The following TMEM178B variants were observed in gnomAD, a reference collection of about 807,000 sequenced individuals.
TMEM178B encodes the protein transmembrane protein 178B.
A neutral mutation model predicts 31.0 loss-of-function variants in TMEM178B; 5 were observed. That is an observed-to-expected ratio of 0.16 (90% CI 0.08 to 0.34). The LOEUF (loss-of-function observed/expected upper bound fraction) is 0.34, where lower values mean the gene tolerates loss of function less well. Among genes scored for constraint, TMEM178B ranks in the 10% least tolerant of loss-of-function variants. The pLI is 1.00. For missense variants in TMEM178B, 275 were observed against 400.3 expected, an observed-to-expected ratio of 0.69 and a Z score of 2.67; for synonymous variants, 164 against 164.0, an observed-to-expected ratio of 1.00 and a Z score of 0.00.
intron 1 of TMEM178B, among the ~76,000 whole-genome samples, chr7:141,198,025 C>T (rs1025084883): frequency 6.7e-6 from 1 of 148,788 alleles, no homozygotes; most frequent in African/African-American, 2.5e-5. Context: ...CAACTCAGTT[C>T]CCCCCAGTTC....
intron 1 of TMEM178B, among the ~76,000 whole-genome samples, chr7:141,105,368 G>A (rs7808160): frequency 0.024 from 3,588 of 152,084 alleles, 155 homozygotes; most frequent in African/African-American, 0.08. Context: ...ATTAGCTGGC[G>A]TGGTGTTGTG....
At chr7:141,329,148 C>T (rs1799250272) in intron 2 of TMEM178B, among the ~76,000 whole-genome samples, 1 of 152,166 alleles carries the variant, frequency 6.6e-6, no homozygotes. Flanking sequence ...AGGGGCACAT[C>T]TGTTACTTCC....
At chr7:141,245,529 T>C (rs1479961147) in intron 2 of TMEM178B, among the ~76,000 whole-genome samples, 1 of 152,260 alleles carries the variant, frequency 6.6e-6, no homozygotes, top group East Asian at 1.9e-4. Context: ...GATAGTCTGT[T>C]GAGTTTACAG....
At chr7:141,148,838 C>T (rs929794076) in intron 1 of TMEM178B, among the ~76,000 whole-genome samples, 3 of 152,096 alleles carry the variant, frequency 2.0e-5, no homozygotes, top group Non-Finnish European at 2.9e-5. Flanking sequence ...TTTCTGAAGA[C>T]GTGATGTCTA....
intron 2 of TMEM178B, among the ~76,000 whole-genome samples, chr7:141,261,744 A>C (rs1397739952): frequency 1.3e-5 from 2 of 152,144 alleles, no homozygotes; most frequent in African/African-American, 4.8e-5. Context: ...GTGGAGTCCA[A>C]AAGTGAAAAG....
chr7:141,237,668 T>C (rs962894884), intron 2 of TMEM178B, among the ~76,000 whole-genome samples: 9 of 152,152 alleles, frequency 5.9e-5, no homozygotes, highest in Non-Finnish European at 8.8e-5. Flanking sequence ...TATAAACATA[T>C]GTGATTCATT....
intron 2 of TMEM178B, among the ~76,000 whole-genome samples, chr7:141,242,564 C>T (rs149483092): frequency 0.012 from 1,555 of 124,724 alleles, 34 homozygotes; most frequent in African/African-American, 0.044. Flanking sequence ...TTTTTTGAGA[C>T]GGAATCTCAC....
At chr7:141,188,736 G>GTGAT (rs771778219) in intron 1 of TMEM178B, among the ~76,000 whole-genome samples, 7 of 152,178 alleles carry the variant, frequency 4.6e-5, no homozygotes, top group Middle Eastern at 3.2e-3. Flanking sequence ...CTCTGTGCTG[G>GTGAT]TGATTGTGAC....
intron 2 of TMEM178B, among the ~76,000 whole-genome samples, chr7:141,406,197 G>T (rs1372767326): frequency 1.3e-5 from 2 of 152,168 alleles, no homozygotes; most frequent in Middle Eastern, 3.2e-3. Flanking sequence ...ACTTGTAGGG[G>T]TTATTTCTGT....
chr7:141,388,695 G>A (rs908215382), intron 2 of TMEM178B, among the ~76,000 whole-genome samples: 6 of 152,136 alleles, frequency 3.9e-5, no homozygotes, highest in Admixed American at 6.6e-5. Context: ...TGCAACATAA[G>A]TGGTGAGCAC....
At chr7:141,309,371 TACTC>T (rs1798869731) in intron 2 of TMEM178B, among the ~76,000 whole-genome samples, 1 of 152,178 alleles carries the variant, frequency 6.6e-6, no homozygotes, top group South Asian at 2.1e-4. Flanking sequence ...GAAAACATAA[TACTC>T]TCTCTCATTA....
chr7:141,444,693 A>G (rs539938482), intron 3 of TMEM178B, among the ~76,000 whole-genome samples: 37 of 152,266 alleles, frequency 2.4e-4, no homozygotes, highest in Non-Finnish European at 5.0e-4. Context: ...AGTCATGTCA[A>G]GTTGTCCTAG....
chr7:141,470,632 T>G lies in TMEM178B; in HGVS notation c.731T>G (p.Ile244Ser), dbSNP rs1802221348. The G allele has an allele frequency of 6.5e-7, 1 of 1,535,396 alleles. No individual in the cohort carries two copies. The highest frequency in any genetic ancestry group is 1.4e-5 in the African/African-American group (1 of 72,900). The change falls in exon 4 of 4, where the codon ATC becomes AGC. Residue 244 changes from isoleucine to serine, a missense_variant. Physicochemically the swap from Ile to Ser is moderately radical, Grantham distance 142. Coordinates refer to ENST00000565468, the MANE Select transcript of TMEM178B (RefSeq NM_001195278.2). The stretch of plus-strand genomic sequence containing the variant: ...TACCTGTACGGACTCCCTGATGACA[T>G]CAGCCATGGCTATGGCTGGTCCATG... The part of the protein sequence containing the change: ...PRYLYGLPDD[I>S]SHGYGWSMFC...
intron 1 of TMEM178B, among the ~76,000 whole-genome samples, chr7:141,100,484 G>T (rs748203050): frequency 2.6e-5 from 4 of 152,140 alleles, no homozygotes; most frequent in Non-Finnish European, 4.4e-5. Context: ...GTGGAGGAGA[G>T]ACAGGAAAAC....
At position 141,476,274 on chromosome 7, in the gene TMEM178B, T is replaced by C. The variant is rs1158778905; in HGVS notation, c.*5488T>C. 1 of 152,200 alleles carries C rather than the reference T, an allele frequency of 6.6e-6. No homozygotes were observed. Among genetic ancestry groups the C allele is most frequent in the African/African-American group, 2.4e-5 (1 of 41,458 alleles). The allele number at this position is 152,200 out of a possible 1,614,324, so 9.4% of individuals were successfully genotyped here. ...GAGAAATTGGCTCCTTATTTTTCTT[T>C]ACCTATTCCTAGACTTCCTTTTGTC... On this transcript the variant is annotated 3_prime_UTR_variant, in exon 4 of 4. Coordinates refer to ENST00000565468, the MANE Select transcript of TMEM178B (RefSeq NM_001195278.2).
chr7:141,141,018 G>A (rs776780371), intron 1 of TMEM178B, among the ~76,000 whole-genome samples: 1 of 152,100 alleles, frequency 6.6e-6, no homozygotes, highest in Non-Finnish European at 1.5e-5. Flanking sequence ...CCACCCTAAG[G>A]AGTTGGGAGT....
chr7:141,268,599 T>C (rs771176617), intron 2 of TMEM178B, among the ~76,000 whole-genome samples: 38 of 152,228 alleles, frequency 2.5e-4, no homozygotes, highest in Non-Finnish European at 4.4e-4. Flanking sequence ...TTTCACTCAA[T>C]GAATGCCCAA....
intron 1 of TMEM178B, among the ~76,000 whole-genome samples, chr7:141,154,731 CTTTT>C (rs377268150): frequency 7.1e-6 from 1 of 141,212 alleles, no homozygotes. Flanking sequence ...AACTTGTTAA[CTTTT>C]TTTTTTTTTT....
intron 2 of TMEM178B, among the ~76,000 whole-genome samples, chr7:141,270,144 A>G (rs1391353244): frequency 6.6e-6 from 1 of 152,174 alleles, no homozygotes; most frequent in Non-Finnish European, 1.5e-5. Flanking sequence ...GTTTTGGAAG[A>G]ATATAGTAGC....
Sources: gnomAD v4.1 joint callset for allele counts (sites outside exome capture counted in the v4.1 genomes callset) on GRCh38, gnomAD v4.1.1 for gene constraint, MANE v1.5 for transcripts, NCBI Gene and HGNC (gene_info 2026-07-23, HGNC 2026-07-21) for gene names.